Variants in VDAC1 observed in about 807,000 individuals in gnomAD.
VDAC1 encodes the protein voltage dependent anion channel 1.
In VDAC1, 10 loss-of-function variants were observed where a neutral mutation model predicts 34.7. The ratio of observed to expected loss-of-function variants is 0.29; its 90% CI spans 0.18 to 0.49. The LOEUF (loss-of-function observed/expected upper bound fraction) is 0.49, where lower values mean the gene tolerates loss of function less well. Ranked by LOEUF, VDAC1 falls within the 20% of genes least tolerant of loss-of-function variation. The probability of loss-of-function intolerance (pLI) is 0.99; values close to 1 mark genes in which losing one functional copy is unlikely to be tolerated. For missense variants in VDAC1, 230 were observed against 347.9 expected, an observed-to-expected ratio of 0.66 and a Z score of 2.69; for synonymous variants, 130 against 136.0, an observed-to-expected ratio of 0.96 and a Z score of 0.30.
intron 5 of VDAC1, among the ~76,000 whole-genome samples, chr5:133,984,589 T>G (rs547755115): frequency 6.6e-4 from 101 of 152,250 alleles, no homozygotes; most frequent in Non-Finnish European, 1.0e-3. Flanking sequence ...CTGGCAAGAA[T>G]AGCCTAATAC....
At chr5:134,026,342 T>C in the VDAC1 span, among the ~76,000 whole-genome samples, 10 of 151,922 alleles carry the variant, frequency 6.6e-5, no homozygotes, top group East Asian at 1.9e-4. Flanking sequence ...GGTGAAACCC[T>C]GTCTCTACTG....
intron 1 of VDAC1, among the ~76,000 whole-genome samples, chr5:133,993,408 T>C (rs1753179589): frequency 6.6e-6 from 1 of 152,238 alleles, no homozygotes; most frequent in Non-Finnish European, 1.5e-5. Flanking sequence ...CATATCATCT[T>C]ACAAAATGTC....
intron 7 of VDAC1, among the ~76,000 whole-genome samples, chr5:133,974,095 C>A (rs1752392232): frequency 6.6e-6 from 1 of 152,122 alleles, no homozygotes; most frequent in South Asian, 2.1e-4. Flanking sequence ...GAAGGAAGGC[C>A]TCTTAGGGGC....
chr5:134,104,868 A>G, the VDAC1 span, among the ~76,000 whole-genome samples: 1 of 152,194 alleles, frequency 6.6e-6, no homozygotes. Context: ...CACTCGGAGG[A>G]GCTGCCCTGC....
chr5:134,062,590 C>A, the VDAC1 span, among the ~76,000 whole-genome samples: 2 of 150,940 alleles, frequency 1.3e-5, 1 homozygote, highest in Non-Finnish European at 3.0e-5. Context: ...CTTTCTTTTC[C>A]AATTTTCTGA....
the VDAC1 span, among the ~76,000 whole-genome samples, chr5:134,051,315 C>T: frequency 6.6e-6 from 1 of 152,240 alleles, no homozygotes; most frequent in Non-Finnish European, 1.5e-5. Flanking sequence ...TCTGGCAGCA[C>T]CCACAGTGGG....
At chr5:134,016,468 G>A in the VDAC1 span, among the ~76,000 whole-genome samples, 1 of 152,174 alleles carries the variant, frequency 6.6e-6, no homozygotes, top group Non-Finnish European at 1.5e-5. Context: ...CCTTTGTATT[G>A]CAAGGGACAT....
chr5:134,111,484 G>T, the VDAC1 span, among the ~76,000 whole-genome samples: 2 of 152,148 alleles, frequency 1.3e-5, no homozygotes, highest in African/African-American at 4.8e-5. Context: ...TCTATCATCT[G>T]TGTATGTGAT....
the VDAC1 span, among the ~76,000 whole-genome samples, chr5:134,045,532 C>A: frequency 1.3e-5 from 2 of 152,188 alleles, no homozygotes; most frequent in East Asian, 3.8e-4. Context: ...TCAAAGCCAG[C>A]AGCATCTCCA....
intron 1 of VDAC1, among the ~76,000 whole-genome samples, chr5:133,996,585 CA>C (rs1470892640): frequency 2.6e-5 from 4 of 151,930 alleles, no homozygotes; most frequent in Non-Finnish European, 5.9e-5. Flanking sequence ...CACCTACCCC[CA>C]AAATCACCTC....
intron 3 of VDAC1, among the ~76,000 whole-genome samples, chr5:133,991,837 TCA>T (rs777100474): frequency 2.2e-3 from 330 of 152,260 alleles, no homozygotes; most frequent in Non-Finnish European, 3.6e-3. Flanking sequence ...CATACAATGG[TCA>T]CTATTTGGGT....
At chr5:134,089,520 T>G in the VDAC1 span, among the ~76,000 whole-genome samples, 16 of 152,122 alleles carry the variant, frequency 1.1e-4, no homozygotes. Context: ...GAAGAAACAT[T>G]AAGGCAGGGC....
chr5:134,021,583 C>G, the VDAC1 span, among the ~76,000 whole-genome samples: 27 of 150,998 alleles, frequency 1.8e-4, no homozygotes, highest in Non-Finnish European at 3.5e-4. Context: ...AAAAAAGAAG[C>G]CTTCTGGGGA....
In VDAC1 at chr5:133,972,565, T is replaced by C. The variant is rs1752339025; in HGVS notation, c.*206A>G. 3 of 478,078 alleles carry C rather than the reference T, an allele frequency of 6.3e-6. No homozygotes were observed. Among genetic ancestry groups the C allele is most frequent in the South Asian group, 9.4e-5 (2 of 21,254 alleles). The allele number at this position is 478,078 out of a possible 1,614,324, so 29.6% of individuals were successfully genotyped here. On this transcript the variant is annotated 3_prime_UTR_variant, in exon 9 of 9. Transcript: ENST00000265333. ...GGGGCCACCAAGTTCTCCCCGAGTC[T>C]ACCACTGAAAGGACCTTTTTTGGAA...
chr5:133,990,869 G>C lies in VDAC1; in HGVS notation c.309C>G (p.Phe103Leu). 1 of 1,560,752 alleles carries C rather than the reference G, an allele frequency of 6.4e-7. No homozygotes were observed. Among genetic ancestry groups the C allele is most frequent in the Non-Finnish European group, 8.7e-7 (1 of 1,152,274 alleles). The change falls in exon 5 of 9, where the codon TTC becomes TTG. Residue 103 changes from phenylalanine (F) to leucine (L), a missense_variant. Transcript: ENST00000265333. ...RGLKLTFDSS[F>L]SPNTGKKNAK... ...GAAACTCTTACCCAGTGTTAGGTGA[G>C]AAGGATGAATCGAAGGTCAGCTTCA...
chr5:134,063,979 C>T, the VDAC1 span, among the ~76,000 whole-genome samples: 2 of 149,992 alleles, frequency 1.3e-5, no homozygotes, highest in African/African-American at 4.9e-5. Context: ...ACTACAGGCG[C>T]ATACCACCTG....
the VDAC1 span, among the ~76,000 whole-genome samples, chr5:134,025,047 G>A: frequency 6.6e-6 from 1 of 152,254 alleles, no homozygotes; most frequent in Non-Finnish European, 1.5e-5. Flanking sequence ...CCCAGGCGTG[G>A]GATGAGGGAG....
chr5:133,985,312 C>T (rs898732983), intron 5 of VDAC1, among the ~76,000 whole-genome samples: 4 of 152,188 alleles, frequency 2.6e-5, no homozygotes, highest in East Asian at 1.9e-4. Flanking sequence ...TACTTCTGTA[C>T]ATTTTGGCAA....
At chr5:133,983,366 C>T (rs1752773746) in intron 5 of VDAC1, among the ~76,000 whole-genome samples, 1 of 151,348 alleles carries the variant, frequency 6.6e-6, no homozygotes, top group Non-Finnish European at 1.5e-5. Flanking sequence ...AAAATATTTA[C>T]AGCTGAAATT....
Sources: gnomAD v4.1 joint callset for allele counts (sites outside exome capture counted in the v4.1 genomes callset) on GRCh38, gnomAD v4.1.1 for gene constraint, MANE v1.5 for transcripts, NCBI Gene and HGNC (gene_info 2026-07-23, HGNC 2026-07-21) for gene names.